The following SUCO variants were observed in gnomAD, a reference collection of about 807,000 sequenced individuals.
SUCO encodes SUN domain containing ossification factor.
A neutral mutation model predicts 148.1 loss-of-function variants in SUCO; 57 were observed. That is an observed-to-expected ratio of 0.38 (90% confidence interval 0.31 to 0.48). SUCO has a LOEUF of 0.48. Ranked by LOEUF, SUCO falls within the 20% of genes least tolerant of loss-of-function variation. SUCO has a pLI of 0.96. For synonymous variants in SUCO, 470 were observed against 502.7 expected (o/e 0.93, Z 0.87); for missense variants, 1,331 against 1,468.2 (o/e 0.91, Z 1.53).
intron 19 of SUCO, among the ~76,000 whole-genome samples, chr1:172,594,627 G>A (rs1017785569): frequency 2.6e-5 from 4 of 152,162 alleles, no homozygotes; most frequent in Non-Finnish European, 4.4e-5. Flanking sequence ...TAATTCGATT[G>A]CACTGTGGTC....
Position 172,557,310 on chromosome 1 carries a change from A to G in SUCO, c.474A>G (p.Ile158Met). ...DEIEKSGTIP[I>M]AKPSETEQSE... is the part of the protein sequence containing the mutation. ...TAGAAAAATCTGGTACTATTCCGATAGCCAAACCAAGTGAAACTGAGCAGT... is the reference window on the plus strand; with the variant it reads ...TAGAAAAATCTGGTACTATTCCGATGGCCAAACCAAGTGAAACTGAGCAGT... Residue 158 changes from isoleucine (I) to methionine (M), a missense_variant, in exon 5 of 24, where the codon ATA becomes ATG. Physicochemically the swap from Ile to Met is conservative, Grantham distance 10. Around this residue, in one of 3 missense-constraint regions of SUCO, gnomAD observed 992 missense variants for 1,093.5 expected, o/e 0.91. Coordinates refer to ENST00000263688, the MANE Select transcript of SUCO (RefSeq NM_014283.5). 1 of 1,613,914 alleles carries G rather than the reference A, an allele frequency of 6.2e-7. No homozygotes were observed. Among genetic ancestry groups the G allele is most frequent in the African/African-American group, 1.3e-5 (1 of 75,044 alleles).
In SUCO at chr1:172,570,110, G is replaced by A. The variant is rs372728522; in HGVS notation, c.920G>A (p.Arg307Gln). The A allele has an allele frequency of 1.0e-5, 16 of 1,595,326 alleles. No individual in the cohort carries two copies. The highest frequency in any genetic ancestry group is 1.4e-5 in the Non-Finnish European group (16 of 1,169,388). ...GCCACCAAAAAGGTCCAGAAAAATC[G>A]AAATAATTATGCCTCAGTAGAATGT... is the stretch of plus-strand genomic sequence containing the variant. ...SHATKKVQKN[R>Q]NNYASVECGA... is the part of the protein sequence containing the mutation. The change falls in exon 8 of 24, where the codon CGA (arginine) becomes CAA (glutamine). Residue 307 changes from arginine (R) to glutamine (Q), a missense_variant. Arg to Gln is a conservative substitution (Grantham distance 43). This residue lies in a region of SUCO where 992 missense variants were observed against 1,093.5 expected (regional missense o/e 0.91). Coordinates refer to ENST00000263688, the MANE Select transcript of SUCO (RefSeq NM_014283.5).
At chr1:172,562,629 C>T (rs1390253691) in intron 6 of SUCO, among the ~76,000 whole-genome samples, 2 of 152,208 alleles carry the variant, frequency 1.3e-5, no homozygotes, top group Non-Finnish European at 2.9e-5. Context: ...AGCCAGTGCA[C>T]CCAGTTAGAC....
chr1:172,571,704 CCCCGCCGCCCCGT>C (rs1425005605), intron 9 of SUCO, among the ~76,000 whole-genome samples: 2 of 89,864 alleles, frequency 2.2e-5, no homozygotes, highest in African/African-American at 1.0e-4. Flanking sequence ...AGCGCCTCTG[CCCCGCCGCCCCGT>C]CTGGGATGTG....
intron 15 of SUCO, among the ~76,000 whole-genome samples, chr1:172,584,662 A>G (rs768337868): frequency 6.6e-6 from 1 of 152,096 alleles, no homozygotes. Flanking sequence ...AGTCCCAGCT[A>G]CTCGGGAGGC....
chr1:172,574,776 A>C (rs1212968384), intron 10 of SUCO: 1 of 408,878 alleles, frequency 2.4e-6, no homozygotes, highest in East Asian at 1.6e-4. Flanking sequence ...TTTGTCATTT[A>C]ATCATTAAGG....
chr1:172,542,643 A>G (rs1371763393), intron 1 of SUCO: 1 of 696,278 alleles, frequency 1.4e-6, no homozygotes, highest in African/African-American at 1.9e-5. Context: ...ATGAGAATCT[A>G]ATGGCCCCCC....
At chr1:172,568,873 T>C (rs1302917981) in intron 6 of SUCO, 146 bp from the exon 7 acceptor site, 1 of 796,948 alleles carries the variant, frequency 1.3e-6, no homozygotes. Context: ...CCAAAACCTT[T>C]CTTTTTACGT....
At chr1:172,579,637 G>A (rs1655728028) in intron 15 of SUCO, among the ~76,000 whole-genome samples, 1 of 151,726 alleles carries the variant, frequency 6.6e-6, no homozygotes, top group South Asian at 2.1e-4. Flanking sequence ...AAATATAAAG[G>A]GTGCTCCTAC....
chr1:172,590,740 C>A (rs1412872787), intron 18 of SUCO, among the ~76,000 whole-genome samples: 1 of 152,012 alleles, frequency 6.6e-6, no homozygotes, highest in Non-Finnish European at 1.5e-5. Flanking sequence ...GTGTAACATG[C>A]CCACTTAGCT....
rs552875369 is a variant in SUCO, at chr1:172,539,706, C to T, written c.62+6209C>T. On this transcript the variant is annotated intron_variant, in intron 1 of 23. Coordinates refer to ENST00000263688, the MANE Select transcript of SUCO (RefSeq NM_014283.5). ...TAAAGGCTAAGAACAGTGCCTCACT[C>T]GTAGTAAGCACTACTGTATGAGTTA... 3.9e-5 allele frequency among the ~76,000 whole-genome samples: 6 copies of T among 152,252 alleles called. No individual in the cohort carries two copies. The South Asian group carries it at 6.2e-4, about 16-fold the overall frequency.
intron 2 of SUCO, chr1:172,552,709 C>T: frequency 1.2e-6 from 1 of 845,358 alleles, no homozygotes. Flanking sequence ...TTGATTTAAT[C>T]CCCCTTTTGA....
chr1:172,552,816 G>C, intron 2 of SUCO: 1 of 170,332 alleles, frequency 5.9e-6, no homozygotes, highest in East Asian at 1.9e-4. Flanking sequence ...TACCTAGTAT[G>C]AGCTAGATAG....
rs866766705 is a variant in SUCO at position 172,577,506 on chromosome 1, G to A, written c.1264-33G>A. 3 of 1,602,724 alleles carry A rather than the reference G, an allele frequency of 1.9e-6. No individual in the cohort carries two copies. In the Middle Eastern group the frequency reaches 5.0e-4, roughly 266 times the overall value. ...TGCATGATGTCTAGACTTTGGAACT[G>A]ATTTCTTTTTCTTTTCCTTTCTCTT... is the stretch of plus-strand genomic sequence containing the variant. On this transcript the variant is annotated intron_variant, in intron 11 of 23. Coordinates refer to ENST00000263688, the MANE Select transcript of SUCO (RefSeq NM_014283.5).
chr1:172,577,303 TA>T (rs1655519573), intron 11 of SUCO, among the ~76,000 whole-genome samples: 1 of 151,700 alleles, frequency 6.6e-6, no homozygotes. Flanking sequence ...CTTATAACCT[TA>T]AAGTTAATTT....
At chr1:172,602,577 T>C in intron 21 of SUCO, 119 bp from the exon 22 acceptor site, 1 of 1,477,380 alleles carries the variant, frequency 6.8e-7, no homozygotes, top group Non-Finnish European at 8.9e-7. Flanking sequence ...ACTGGAGTGT[T>C]AGAGTTAGTC....
chr1:172,568,651 T>C (rs1393436887), intron 6 of SUCO, among the ~76,000 whole-genome samples: 1 of 152,180 alleles, frequency 6.6e-6, no homozygotes, highest in African/African-American at 2.4e-5. Flanking sequence ...CTAGCTTCCT[T>C]TAATGGATGT....
At chr1:172,595,186 T>A (rs1340193759) in intron 19 of SUCO, among the ~76,000 whole-genome samples, 1 of 152,220 alleles carries the variant, frequency 6.6e-6, no homozygotes, top group Non-Finnish European at 1.5e-5. Flanking sequence ...TCTCTGCACA[T>A]GAGATGGGTC....
chr1:172,579,908 GTTTTC>G (rs1655750624), intron 15 of SUCO, among the ~76,000 whole-genome samples: 1 of 151,982 alleles, frequency 6.6e-6, no homozygotes, highest in Non-Finnish European at 1.5e-5. Flanking sequence ...ACTACAAGTA[GTTTTC>G]TTTTTATTTG....
Sources: allele counts gnomAD v4.1 joint callset (sites outside exome capture counted in the v4.1 genomes callset), GRCh38; gene constraint gnomAD v4.1.1; regional missense constraint gnomAD v4.1.1; transcripts MANE v1.5; gene names NCBI Gene and HGNC (gene_info 2026-07-23, HGNC 2026-07-21).